AGBL4: variants seen among roughly 807,000 people sequenced by gnomAD.
AGBL4 encodes cytosolic carboxypeptidase 6.
A neutral mutation model predicts 66.4 loss-of-function variants in AGBL4; 58 were observed. That is an observed-to-expected ratio of 0.87 (90% CI 0.71 to 1.09). The LOEUF is 1.09. Among genes scored for constraint, AGBL4 ranks in the 50% least tolerant of loss-of-function variants. The pLI, the probability that AGBL4 is intolerant of heterozygous loss-of-function variation, is 0.00. For missense variants in AGBL4, 579 were observed against 631.0 expected, an observed-to-expected ratio of 0.92 and a Z score of 0.88; for synonymous variants, 234 against 222.9, an observed-to-expected ratio of 1.05 and a Z score of -0.44.
At chr1:49,463,912 C>T (rs1557964610) in intron 3 of AGBL4, among the ~76,000 whole-genome samples, 1 of 151,718 alleles carries the variant, frequency 6.6e-6, no homozygotes, top group Non-Finnish European at 1.5e-5. Context: ...AAGCTAAGTA[C>T]TATAACTTCC....
chr1:49,859,202 T>C (rs1407206284), intron 1 of AGBL4, among the ~76,000 whole-genome samples: 1 of 152,178 alleles, frequency 6.6e-6, no homozygotes, highest in Admixed American at 6.5e-5. Context: ...ATTAAGAGGA[T>C]AATGAGAGAA....
rs544333349 is a variant in AGBL4, at chr1:49,340,053, T to G, written c.283-94189A>C. ...GGAATATGTGTGGAAATAATGCATA[T>G]CACTTCCAAGCTTGGACATAAAATT... On this transcript the variant is annotated intron_variant, in intron 3 of 13. Coordinates refer to ENST00000371839, the MANE Select transcript of AGBL4 (RefSeq NM_032785.4). 2.9e-4 allele frequency among the ~76,000 whole-genome samples: 44 copies of G among 152,298 alleles called. 2 individuals are homozygous for G. The South Asian group carries it at 8.7e-3, about 30-fold the overall frequency.
intron 3 of AGBL4, among the ~76,000 whole-genome samples, chr1:49,421,578 G>C (rs1290776102): frequency 6.6e-6 from 1 of 152,146 alleles, no homozygotes; most frequent in African/African-American, 2.4e-5. Context: ...AGCAAGAAGA[G>C]AGTTGAGTTA....
rs762052134 is a variant in AGBL4, at chr1:48,749,045, A to AG, written c.635-85805dup. On this transcript the variant is annotated intron_variant, in intron 6 of 13. Coordinates refer to ENST00000371839, the MANE Select transcript of AGBL4 (RefSeq NM_032785.4). ...TGGATCCGAGAGAGCCCCCTTTCCA[A>AG]GGGGGAGAAGCCCACCCAGGAAGAA... Among the ~76,000 whole-genome samples, 69 of 152,162 alleles carry AG rather than the reference A, an allele frequency of 4.5e-4. 1 individual carries two copies. Among genetic ancestry groups the AG allele is most frequent in the South Asian group, 1.0e-3 (5 of 4,796 alleles).
intron 3 of AGBL4, among the ~76,000 whole-genome samples, chr1:49,684,095 T>G (rs1468995379): frequency 1.3e-5 from 2 of 152,194 alleles, no homozygotes; most frequent in Admixed American, 6.5e-5. Context: ...CTCTGACAGT[T>G]TATCTGGTTA....
chr1:49,825,586 G>C (rs1359557742), intron 2 of AGBL4, among the ~76,000 whole-genome samples: 1 of 152,104 alleles, frequency 6.6e-6, no homozygotes, highest in African/African-American at 2.4e-5. Context: ...TGGTGTTTTT[G>C]GATGAGATTA....
intron 3 of AGBL4, among the ~76,000 whole-genome samples, chr1:49,653,189 G>A (rs1207722215): frequency 1.3e-5 from 2 of 152,062 alleles, no homozygotes; most frequent in African/African-American, 4.8e-5. Flanking sequence ...AGTGAATAGG[G>A]TCTGGAGTGG....
intron 6 of AGBL4, among the ~76,000 whole-genome samples, chr1:48,793,633 A>G (rs1385795536): frequency 6.6e-6 from 1 of 152,186 alleles, no homozygotes; most frequent in Non-Finnish European, 1.5e-5. Context: ...ACTCTTCACA[A>G]CAACTCCACG....
intron 6 of AGBL4, among the ~76,000 whole-genome samples, chr1:48,811,589 T>C (rs768347506): frequency 1.3e-5 from 2 of 152,220 alleles, no homozygotes. Context: ...TCTTGAAAAT[T>C]TGATCTACAA....
chr1:48,779,791 G>GC (rs1645248325), intron 6 of AGBL4, among the ~76,000 whole-genome samples: 1 of 147,782 alleles, frequency 6.8e-6, no homozygotes, highest in African/African-American at 2.5e-5. Flanking sequence ...TCGGCTCACT[G>GC]CCACTTCCAC....
chr1:49,033,347 C>T (rs768694214), intron 5 of AGBL4, among the ~76,000 whole-genome samples: 8 of 152,230 alleles, frequency 5.3e-5, no homozygotes, highest in Non-Finnish European at 8.8e-5. Context: ...ATATTACTAA[C>T]TTCCAAAAAT....
At chr1:48,789,213 T>C (rs552413049) in intron 6 of AGBL4, among the ~76,000 whole-genome samples, 1 of 152,104 alleles carries the variant, frequency 6.6e-6, no homozygotes, top group Admixed American at 6.5e-5. Context: ...ATCCACTGGG[T>C]GTGTTAATTC....
intron 1 of AGBL4, among the ~76,000 whole-genome samples, chr1:49,943,739 CCAG>C (rs1017994747): frequency 3.1e-4 from 47 of 151,714 alleles, no homozygotes; most frequent in African/African-American, 1.1e-3. Flanking sequence ...AAAAAAACCT[CCAG>C]CAGAACTTTG....
At chr1:49,735,296 G>GGTGT (rs34172664) in intron 2 of AGBL4, among the ~76,000 whole-genome samples, 8,126 of 127,240 alleles carry the variant, frequency 0.064, 511 homozygotes, top group African/African-American at 0.21. Flanking sequence ...GAGGTGTGTG[G>GGTGT]GTGTGTGTGT....
intron 3 of AGBL4, among the ~76,000 whole-genome samples, chr1:49,253,492 A>G (rs1182085976): frequency 1.3e-5 from 2 of 151,936 alleles, no homozygotes; most frequent in Non-Finnish European, 2.9e-5. Context: ...TAAATCCCTG[A>G]ATAGACAAAT....
At chr1:49,697,169 A>G in intron 3 of AGBL4, 144 bp downstream of exon 3, 1 of 905,548 alleles carries the variant, frequency 1.1e-6, no homozygotes, top group Non-Finnish European at 1.6e-6. Flanking sequence ...ATTTCTCTGC[A>G]TCTCTTGAAC....
chr1:49,466,008 G>A (rs943576698), intron 3 of AGBL4, among the ~76,000 whole-genome samples: 5 of 151,772 alleles, frequency 3.3e-5, no homozygotes, highest in African/African-American at 1.2e-4. Flanking sequence ...ATATACCTGG[G>A]CGTGGCAAGG....
At chr1:48,613,873 C>A (rs932105291) in intron 9 of AGBL4, among the ~76,000 whole-genome samples, 34 of 152,334 alleles carry the variant, frequency 2.2e-4, no homozygotes, top group African/African-American at 7.2e-4. Flanking sequence ...CAGTTTCGTG[C>A]AGAAATGTAT....
At chr1:48,598,738 C>T (rs1191210389) in intron 9 of AGBL4, among the ~76,000 whole-genome samples, 1 of 151,964 alleles carries the variant, frequency 6.6e-6, no homozygotes, top group East Asian at 2.0e-4. Flanking sequence ...ACAATCTCGG[C>T]TCACTGGGAT....
Sources: allele counts gnomAD v4.1 joint callset (sites outside exome capture counted in the v4.1 genomes callset), GRCh38; gene constraint gnomAD v4.1.1; transcripts MANE v1.5; gene names NCBI Gene and HGNC (gene_info 2026-07-23, HGNC 2026-07-21).